EYA4: variants seen among roughly 807,000 people sequenced by gnomAD.
The protein encoded by EYA4 is EYA transcriptional coactivator and phosphatase 4.
EYA4 carries 31 observed loss-of-function variants against 87.9 expected under a neutral mutation model. The ratio of observed to expected loss-of-function variants is 0.35; its 90% confidence interval spans 0.27 to 0.48. EYA4 has a LOEUF of 0.48. Ranked by LOEUF, EYA4 falls within the 20% of genes least tolerant of loss-of-function variation. The pLI is 0.99. For missense variants in EYA4, 678 were observed against 761.4 expected, an observed-to-expected ratio of 0.89 and a Z score of 1.29; for synonymous variants, 263 against 270.6, an observed-to-expected ratio of 0.97 and a Z score of 0.28.
At chr6:133,422,762 G>T (rs1790327482) in intron 3 of EYA4, among the ~76,000 whole-genome samples, 1 of 152,184 alleles carries the variant, frequency 6.6e-6, no homozygotes, top group African/African-American at 2.4e-5. Context: ...ACAATTGGTA[G>T]AATATCCCTC....
intron 3 of EYA4, among the ~76,000 whole-genome samples, chr6:133,441,636 G>A (rs990632378): frequency 6.6e-6 from 1 of 152,158 alleles, no homozygotes; most frequent in Non-Finnish European, 1.5e-5. Flanking sequence ...GAGAGTGACA[G>A]GGTGAGTGGT....
chr6:133,299,677 A>T (rs1025863166), intron 2 of EYA4, among the ~76,000 whole-genome samples: 1 of 151,664 alleles, frequency 6.6e-6, no homozygotes, highest in East Asian at 1.9e-4. Flanking sequence ...GCGCCACTGC[A>T]CTCCAGCCTG....
At chr6:133,324,091 T>A (rs1419869350) in intron 2 of EYA4, among the ~76,000 whole-genome samples, 1 of 152,152 alleles carries the variant, frequency 6.6e-6, no homozygotes, top group African/African-American at 2.4e-5. Context: ...CAAAGACAAC[T>A]TGAAAATTGG....
At chr6:133,508,279 A>G (rs927513925) in intron 14 of EYA4, among the ~76,000 whole-genome samples, 1 of 152,172 alleles carries the variant, frequency 6.6e-6, no homozygotes, top group African/African-American at 2.4e-5. Flanking sequence ...TAGATAACAA[A>G]TAATAATCAC....
chr6:133,260,575 C>A (rs1775719538), intron 1 of EYA4, among the ~76,000 whole-genome samples: 1 of 152,148 alleles, frequency 6.6e-6, no homozygotes, highest in Admixed American at 6.5e-5. Context: ...TCTCTTAGAA[C>A]CCTTTGTACT....
At chr6:133,464,755 A>AT (rs1794700770) in intron 9 of EYA4, 24 bp from the exon 10 acceptor site, 1 of 1,385,552 alleles carries the variant, frequency 7.2e-7, no homozygotes, top group African/African-American at 1.4e-5. Flanking sequence ...TACTTTTAAA[A>AT]TGCAATTTGT....
chr6:133,290,067 TATGTA>T (rs1181416635), intron 2 of EYA4, among the ~76,000 whole-genome samples: 3 of 152,182 alleles, frequency 2.0e-5, no homozygotes, highest in Non-Finnish European at 1.5e-5. Context: ...AGCTAACACT[TATGTA>T]ATGCTCATTG....
intron 3 of EYA4, among the ~76,000 whole-genome samples, chr6:133,408,989 C>T (rs1380061025): frequency 1.3e-5 from 2 of 152,118 alleles, no homozygotes; most frequent in South Asian, 4.2e-4. Context: ...TGCAGACTCC[C>T]TGTTCTGATC....
chr6:133,403,462 G>T (rs1376700021), intron 3 of EYA4, among the ~76,000 whole-genome samples: 2 of 152,264 alleles, frequency 1.3e-5, no homozygotes, highest in Non-Finnish European at 2.9e-5. Flanking sequence ...TGCTCTAAAT[G>T]CCTGCTTTAA....
chr6:133,473,907 T>C (rs1795496550), intron 11 of EYA4, among the ~76,000 whole-genome samples: 1 of 152,000 alleles, frequency 6.6e-6, no homozygotes. Flanking sequence ...AAATCACATG[T>C]TCCAAATCTG....
intron 2 of EYA4, among the ~76,000 whole-genome samples, chr6:133,376,322 T>C (rs2128470828): frequency 6.6e-6 from 1 of 151,970 alleles, no homozygotes; most frequent in African/African-American, 2.4e-5. Flanking sequence ...ATTTATTACA[T>C]AAACTTTCAT....
In EYA4 at chr6:133,528,896, A is replaced by G; in HGVS notation, c.*91A>G. 6.2e-7 allele frequency: 1 copy of G among 1,605,168 alleles called. No homozygotes were observed. The highest frequency in any genetic ancestry group is 1.7e-5 in the Admixed American group (1 of 59,360). On this transcript the variant is annotated 3_prime_UTR_variant, in exon 20 of 20. Transcript: ENST00000355286. ...AATGCCTCTGGCTCTACACATATAA[A>G]TTGTCTTAATGGATGAAATCATATT...
chr6:133,421,084 T>TC (rs1790180103), intron 3 of EYA4, among the ~76,000 whole-genome samples: 2 of 152,234 alleles, frequency 1.3e-5, no homozygotes, highest in Admixed American at 6.5e-5. Context: ...CCATTTGGCT[T>TC]CCTCTTAGAC....
chr6:133,375,394 G>C (rs1472596615), intron 2 of EYA4, among the ~76,000 whole-genome samples: 1 of 151,866 alleles, frequency 6.6e-6, no homozygotes, highest in Non-Finnish European at 1.5e-5. Context: ...TTTAGTAAAA[G>C]CTTATATTGT....
chr6:133,516,370 A>T (rs1799594833), intron 17 of EYA4, among the ~76,000 whole-genome samples: 1 of 151,974 alleles, frequency 6.6e-6, no homozygotes, highest in South Asian at 2.1e-4. Flanking sequence ...GTATCCCTGC[A>T]CCTAAAATAA....
chr6:133,440,804 G>C (rs1315605548), intron 3 of EYA4, among the ~76,000 whole-genome samples: 1 of 152,118 alleles, frequency 6.6e-6, no homozygotes, highest in Non-Finnish European at 1.5e-5. Flanking sequence ...TGAATGTCTG[G>C]GTAAGGCATT....
At chr6:133,446,504 C>G in intron 3 of EYA4, 126 bp from the exon 4 acceptor site, 1 of 1,044,934 alleles carries the variant, frequency 9.6e-7, no homozygotes, top group Non-Finnish European at 1.5e-6. Context: ...ATCTGGTTGA[C>G]TAAGTCTTAG....
intron 2 of EYA4, among the ~76,000 whole-genome samples, chr6:133,337,783 A>G (rs1191859603): frequency 6.6e-6 from 1 of 152,232 alleles, no homozygotes; most frequent in Admixed American, 6.5e-5. Flanking sequence ...ACTATGCTAT[A>G]TAAAAATATT....
intron 2 of EYA4, among the ~76,000 whole-genome samples, chr6:133,294,062 T>TATATATATATATATATATATATAAA (rs71003632): frequency 2.9e-5 from 3 of 105,162 alleles, no homozygotes; most frequent in African/African-American, 6.8e-5. Context: ...TATATATATA[T>TATATATATATATATATATATATAAA]AATTCTATTC....
Sources: gnomAD v4.1 joint callset for allele counts (sites outside exome capture counted in the v4.1 genomes callset) on GRCh38, gnomAD v4.1.1 for gene constraint, MANE v1.5 for transcripts, NCBI Gene and HGNC (gene_info 2026-07-23, HGNC 2026-07-21) for gene names.